Variants in LPCAT1 observed in about 807,000 individuals in gnomAD.
LPCAT1 encodes the protein 1-acylglycerol-3-phosphate O-acyltransferase.
Under a neutral mutation model 60.9 loss-of-function variants are expected in LPCAT1, and 23 were observed. The ratio of observed to expected loss-of-function variants is 0.38; its 90% CI spans 0.27 to 0.53. The LOEUF (loss-of-function observed/expected upper bound fraction) is 0.53. Among genes scored for constraint, LPCAT1 ranks in the 20% least tolerant of loss-of-function variants. The pLI is 0.82. For missense variants in LPCAT1, 622 were observed against 723.6 expected (o/e 0.86, Z 1.61); for synonymous variants, 340 against 301.1 (o/e 1.13, Z -1.34).
At chr5:1,499,313 C>T (rs527768653) in intron 2 of LPCAT1, among the ~76,000 whole-genome samples, 10 of 152,268 alleles carry the variant, frequency 6.6e-5, no homozygotes, top group African/African-American at 2.4e-4. Context: ...CCAACAAGGA[C>T]ATGGGGAGTA....
At chr5:1,509,806 T>C (rs961309104) in intron 1 of LPCAT1, among the ~76,000 whole-genome samples, 4 of 152,018 alleles carry the variant, frequency 2.6e-5, no homozygotes, top group African/African-American at 9.7e-5. Context: ...AGACAGGAAA[T>C]GTGAAAAAGT....
chr5:1,490,439 G>A (rs1038925406), intron 3 of LPCAT1, among the ~76,000 whole-genome samples: 1 of 152,244 alleles, frequency 6.6e-6, no homozygotes, highest in Non-Finnish European at 1.5e-5. Context: ...GACGAAGAGG[G>A]GGAGAGAAGG....
rs2126630424 is a variant in LPCAT1, at chr5:1,521,300, AG to A, written c.135+2409del. ...TGGCGCTAATCCGAAGACACACAGC[AG>A]CCCCTCCCAGGCGGCAAATGCTCAC... On this transcript the variant is annotated intron_variant, in intron 1 of 13. Coordinates refer to ENST00000283415, the MANE Select transcript of LPCAT1 (RefSeq NM_024830.5). This position sits in a 1 kb window ranked among gnomAD's most constrained non-coding sequence, Gnocchi z 4.3. 1 of 984,374 alleles carries A rather than the reference AG, an allele frequency of 1.0e-6. No individual in the cohort carries two copies. The highest frequency in any genetic ancestry group is 1.1e-4 in the East Asian group (1 of 8,804). The allele number at this position is 984,374 out of a possible 1,614,324, so 61.0% of individuals were successfully genotyped here. A position where few individuals can be genotyped will look rare whatever the true frequency, so the allele number is the denominator to read the frequency against.
At position 1,507,697 on chromosome 5, in the gene LPCAT1, T is replaced by C. The variant is rs138450118; in HGVS notation, c.136-6094A>G. ...AATCAAGGAAGCTGGCAGAGGCTCATGTCCTGAGGGCTGGCTCGAGGCCTA... is the reference window on the plus strand; with the variant it reads ...AATCAAGGAAGCTGGCAGAGGCTCACGTCCTGAGGGCTGGCTCGAGGCCTA... On this transcript the variant is annotated intron_variant, in intron 1 of 13. Transcript: ENST00000283415. Among the ~76,000 whole-genome samples the C allele has an allele frequency of 2.8e-4, 43 of 152,276 alleles. No individual in the cohort carries two copies. In the East Asian group the frequency reaches 7.7e-3, roughly 27 times the overall value.
chr5:1,506,199 G>C (rs1485982674), intron 1 of LPCAT1, among the ~76,000 whole-genome samples: 1 of 152,224 alleles, frequency 6.6e-6, no homozygotes, highest in Non-Finnish European at 1.5e-5. Context: ...ACTGCTTGGA[G>C]AGGGGGCCTC....
chr5:1,481,902 G>A lies in LPCAT1; in HGVS notation c.727-926C>T, dbSNP rs188979736. Reference sequence around the variant, plus strand: ...CTCCGGGCAAAGTGAAGCCCGGCAGGCATCGGACGGGACAGGCCCTGAGGC... The same window carrying A: ...CTCCGGGCAAAGTGAAGCCCGGCAGACATCGGACGGGACAGGCCCTGAGGC... On this transcript the variant is annotated intron_variant, in intron 6 of 13. Coordinates refer to ENST00000283415, the MANE Select transcript of LPCAT1 (RefSeq NM_024830.5). This position sits in a 1 kb window ranked among gnomAD's most constrained non-coding sequence, Gnocchi z 7.8. Among the ~76,000 whole-genome samples, 434 of 152,390 alleles carry A rather than the reference G, an allele frequency of 2.8e-3. No individual in the cohort carries two copies. The highest frequency in any genetic ancestry group is 0.01 in the African/African-American group (422 of 41,600).
rs377223777 is a variant in LPCAT1, at chr5:1,480,659, G to A, written c.761+283C>T. Reference sequence around the variant, plus strand: ...TTTCCTTACCAGGGGCCACCAGGTGGACGATCGTAATTACTGAGCTGGCAA... The same window carrying A: ...TTTCCTTACCAGGGGCCACCAGGTGAACGATCGTAATTACTGAGCTGGCAA... On this transcript the variant is annotated intron_variant, in intron 7 of 13. Coordinates refer to ENST00000283415, the MANE Select transcript of LPCAT1 (RefSeq NM_024830.5). The surrounding 1 kb of genome is among the most constrained non-coding windows in gnomAD (Gnocchi z 6.4). 6.6e-6 allele frequency among the ~76,000 whole-genome samples: 1 copy of A among 152,156 alleles called. No homozygotes were observed. Among genetic ancestry groups the A allele is most frequent in the African/African-American group, 2.4e-5 (1 of 41,424 alleles).
intron 1 of LPCAT1, among the ~76,000 whole-genome samples, chr5:1,518,632 G>A (rs188788031): frequency 5.3e-5 from 8 of 152,330 alleles, no homozygotes; most frequent in African/African-American, 7.2e-5. Flanking sequence ...GAGCCGTTGC[G>A]CCCGGCCCAC....
At chr5:1,467,185 G>C in intron 12 of LPCAT1, 1 of 341,758 alleles carries the variant, frequency 2.9e-6, no homozygotes, top group Non-Finnish European at 5.3e-6. Flanking sequence ...CAGCACCTGT[G>C]GCTGCCACTG....
chr5:1,493,061 C>A (rs1177346655), intron 3 of LPCAT1, among the ~76,000 whole-genome samples: 2 of 152,232 alleles, frequency 1.3e-5, no homozygotes, highest in East Asian at 1.9e-4. Context: ...GCTTGCAGAG[C>A]GGGGAAACCT....
intron 12 of LPCAT1, among the ~76,000 whole-genome samples, chr5:1,467,767 G>A (rs1001766937): frequency 1.3e-5 from 2 of 151,826 alleles, no homozygotes; most frequent in South Asian, 4.1e-4. Context: ...AGGTCCCGAC[G>A]CCGCCCGTGT....
At chr5:1,512,669 T>C (rs1024934195) in intron 1 of LPCAT1, among the ~76,000 whole-genome samples, 12 of 152,072 alleles carry the variant, frequency 7.9e-5, no homozygotes. Context: ...TCACCTGGAG[T>C]CTTCCTCCCA....
intron 6 of LPCAT1, among the ~76,000 whole-genome samples, chr5:1,482,081 G>A (rs1026987346): frequency 6.6e-6 from 1 of 152,138 alleles, no homozygotes; most frequent in Admixed American, 6.5e-5. Context: ...GCCCTCCTCG[G>A]TGCTCTCCCA....
At chr5:1,509,931 A>G (rs1006082634) in intron 1 of LPCAT1, among the ~76,000 whole-genome samples, 2 of 152,178 alleles carry the variant, frequency 1.3e-5, no homozygotes, top group Admixed American at 6.5e-5. Context: ...GGCCTGCAGG[A>G]GGAGGGATGG....
rs1734922789 is a variant in LPCAT1, at chr5:1,476,458, C to T, written c.899+946G>A. 6.6e-6 allele frequency among the ~76,000 whole-genome samples: 1 copy of T among 152,076 alleles called. No individual in the cohort carries two copies. Among genetic ancestry groups the T allele is most frequent in the Non-Finnish European group, 1.5e-5 (1 of 68,018 alleles). ...TGTCAGCGGAGTGTGAACAAAGTGG[C>T]TCGGAGGTCAGAGCCAGGCACACTC... On this transcript the variant is annotated intron_variant, in intron 9 of 13. Coordinates refer to ENST00000283415, the MANE Select transcript of LPCAT1 (RefSeq NM_024830.5). This position sits in a 1 kb window ranked among gnomAD's most constrained non-coding sequence, Gnocchi z 8.6.
Position 1,477,330 on chromosome 5 carries a change from T to G in LPCAT1, c.899+74A>C. The G allele has an allele frequency of 1.6e-6, 2 of 1,248,406 alleles. No homozygotes were observed. 77.3% of individuals were successfully genotyped at this position (1,248,406 alleles called of 1,614,324 possible). A position where few individuals can be genotyped will look rare whatever the true frequency, so the allele number is the denominator to read the frequency against. On this transcript the variant is annotated intron_variant, in intron 9 of 13. Coordinates refer to ENST00000283415, the MANE Select transcript of LPCAT1 (RefSeq NM_024830.5). The surrounding 1 kb of genome is among the most constrained non-coding windows in gnomAD (Gnocchi z 6.0). The stretch of plus-strand genomic sequence containing the variant: ...TGCCTTTTCCTAACGCTGTTGCCTA[T>G]TTTAAATATACAGAGAGCAGCACTC...
At chr5:1,482,954 A>G (rs1205400688) in intron 6 of LPCAT1, among the ~76,000 whole-genome samples, 2 of 152,166 alleles carry the variant, frequency 1.3e-5, no homozygotes, top group Non-Finnish European at 2.9e-5. Flanking sequence ...GAAATGACAA[A>G]GTCACCTCCT....
intron 12 of LPCAT1, among the ~76,000 whole-genome samples, chr5:1,470,072 G>A (rs1233631117): frequency 6.6e-6 from 1 of 152,252 alleles, no homozygotes; most frequent in Non-Finnish European, 1.5e-5. Flanking sequence ...TTCTTGGAGC[G>A]GTGAGAGACA....
At chr5:1,506,984 C>T (rs1490764153) in intron 1 of LPCAT1, among the ~76,000 whole-genome samples, 4 of 152,208 alleles carry the variant, frequency 2.6e-5, no homozygotes, top group African/African-American at 9.7e-5. Context: ...GGGCAGCATG[C>T]GGAACCAAGA....
Sources: allele counts gnomAD v4.1 joint callset (sites outside exome capture counted in the v4.1 genomes callset), GRCh38; gene constraint gnomAD v4.1.1; non-coding constraint Gnocchi (gnomAD v3.1); transcripts MANE v1.5; gene names NCBI Gene and HGNC (gene_info 2026-07-23, HGNC 2026-07-21).